The following DCPS variants were observed in gnomAD, a reference collection of about 807,000 sequenced individuals.
DCPS encodes the protein m7GpppX diphosphatase.
In DCPS, 27 loss-of-function variants were observed where a neutral mutation model predicts 34.7. That is an observed-to-expected ratio of 0.78 (90% confidence interval 0.57 to 1.07). The LOEUF is 1.07. Ranked by LOEUF, DCPS falls within the 50% of genes least tolerant of loss-of-function variation. The probability of loss-of-function intolerance (pLI) is 0.00; values close to 1 mark genes in which losing one functional copy is unlikely to be tolerated. For synonymous variants in DCPS, 185 were observed against 185.7 expected (o/e 1.00, Z 0.03); for missense variants, 464 against 436.9 (o/e 1.06, Z -0.55).
chr11:126,310,543 T>C (rs958651235), intron 2 of DCPS, among the ~76,000 whole-genome samples: 3 of 152,140 alleles, frequency 2.0e-5, no homozygotes, highest in African/African-American at 7.2e-5. Flanking sequence ...ATATAAGGGG[T>C]GAGGTCCTCG....
rs549091342 is a variant in DCPS at position 126,329,876 on chromosome 11, G to T, written c.377-1529G>T. Among the ~76,000 whole-genome samples the T allele has an allele frequency of 2.0e-5, 3 of 152,160 alleles. No homozygotes were observed. Among genetic ancestry groups the T allele is most frequent in the African/African-American group, 4.8e-5 (2 of 41,422 alleles). ...TCGTGGTGGTGAAATGTGCCCGCTG[G>T]GTTTTCAGCTCTCTCGGGTTTCCCT... On this transcript the variant is annotated intron_variant, in intron 2 of 5. Transcript: ENST00000263579. This position sits in a 1 kb window ranked among gnomAD's most constrained non-coding sequence, Gnocchi z 5.0.
At position 126,344,512 on chromosome 11, in the gene DCPS, C is replaced by T. The variant is rs547363545; in HGVS notation, c.748-835C>T. Among the ~76,000 whole-genome samples, 6 of 152,204 alleles carry T rather than the reference C, an allele frequency of 3.9e-5. No individual in the cohort carries two copies. In the East Asian group the frequency reaches 1.2e-3, roughly 30 times the overall value. The stretch of plus-strand genomic sequence containing the variant: ...CCCTCGGGTGCCTTGGCCCTGGTCT[C>T]GCCCCGCTGCAGGGATTCCTGGGGT... On this transcript the variant is annotated intron_variant, in intron 5 of 5. Transcript: ENST00000263579. This position sits in a 1 kb window ranked among gnomAD's most constrained non-coding sequence, Gnocchi z 8.1.
At position 126,323,145 on chromosome 11, in the gene DCPS, G is replaced by A. The variant is rs1951719745; in HGVS notation, c.377-8260G>A. Among the ~76,000 whole-genome samples the A allele has an allele frequency of 6.6e-6, 1 of 152,082 alleles. No individual in the cohort carries two copies. On this transcript the variant is annotated intron_variant, in intron 2 of 5. Transcript: ENST00000263579. The surrounding 1 kb of genome is among the most constrained non-coding windows in gnomAD (Gnocchi z 4.4). ...ACACCCAGCCACCAAATTCCTAAGT[G>A]TGACAGTAGAATAAATATATTTTCA... is the stretch of plus-strand genomic sequence containing the variant.
Position 126,322,953 on chromosome 11 carries a change from G to A in DCPS, c.377-8452G>A, listed in dbSNP as rs990622191. Among the ~76,000 whole-genome samples, 4 of 152,100 alleles carry A rather than the reference G, an allele frequency of 2.6e-5. No homozygotes were observed. Among genetic ancestry groups the A allele is most frequent in the East Asian group, 1.9e-4 (1 of 5,186 alleles). On this transcript the variant is annotated intron_variant, in intron 2 of 5. Transcript: ENST00000263579. This position sits in a 1 kb window ranked among gnomAD's most constrained non-coding sequence, Gnocchi z 4.2. ...AGTGATTCTCCCACTTCACCTTCCC[G>A]AGTAGTGGCGACCAGAGGCAGGTAC...
chr11:126,304,713 ATATAT>A (rs947003232), intron 1 of DCPS, among the ~76,000 whole-genome samples: 17 of 152,312 alleles, frequency 1.1e-4, no homozygotes, highest in Middle Eastern at 3.4e-3. Flanking sequence ...CAGGAGAACA[ATATAT>A]TATAATTGTT....
At chr11:126,316,417 G>C (rs73017399) in intron 2 of DCPS, among the ~76,000 whole-genome samples, 26,256 of 151,608 alleles carry the variant, frequency 0.17, 2,644 homozygotes, top group Non-Finnish European at 0.24. Flanking sequence ...GTGTGACCCA[G>C]GGAAGCCAAA....
At chr11:126,304,413 C>A in intron 1 of DCPS, 132 bp downstream of exon 1, 1 of 1,017,824 alleles carries the variant, frequency 9.8e-7, no homozygotes, top group Non-Finnish European at 1.5e-6. Context: ...CGGGAGTGCG[C>A]CACTAGAATG....
intron 2 of DCPS, among the ~76,000 whole-genome samples, chr11:126,314,374 C>T (rs1158919944): frequency 1.3e-4 from 20 of 152,174 alleles, no homozygotes; most frequent in Admixed American, 1.3e-3. Context: ...AAAGGGAACA[C>T]TTCTACACTG....
chr11:126,330,828 C>T (rs796329618), intron 2 of DCPS, among the ~76,000 whole-genome samples: 33 of 144,850 alleles, frequency 2.3e-4, no homozygotes, highest in African/African-American at 7.4e-4. Context: ...CCTCTGCCTC[C>T]CAGGTTCAAG....
Position 126,343,133 on chromosome 11 carries a change from C to T in DCPS, c.637-174C>T, listed in dbSNP as rs1440012339. On this transcript the variant is annotated intron_variant, in intron 4 of 5. Coordinates refer to ENST00000263579, the MANE Select transcript of DCPS (RefSeq NM_014026.6). The stretch of plus-strand genomic sequence containing the variant: ...CTAGCAAGAAGCGTACACAGTAGGC[C>T]TGCTCCTTAAGACCATCCCACACGC... Among the ~76,000 whole-genome samples the T allele has an allele frequency of 3.3e-5, 5 of 151,620 alleles. No individual in the cohort carries two copies. The South Asian group carries it at 6.3e-4, about 19-fold the overall frequency.
rs1359242024 is a variant in DCPS, at chr11:126,337,947, T to A, written c.523-339T>A. ...TCCTGTGAGCGGTGGAGGGGGTCAC[T>A]GCTATAGAGGGCAGACACAGCCTGG... On this transcript the variant is annotated intron_variant, in intron 3 of 5. Transcript: ENST00000263579. The surrounding 1 kb of genome is among the most constrained non-coding windows in gnomAD (Gnocchi z 5.3). The A allele has an allele frequency of 3.5e-6, 1 of 286,042 alleles. No homozygotes were observed. The highest frequency in any genetic ancestry group is 7.7e-5 in the East Asian group (1 of 12,908). The allele number at this position is 286,042 out of a possible 1,614,324, so 17.7% of individuals were successfully genotyped here. A position where few individuals can be genotyped will look rare whatever the true frequency, so the allele number is the denominator to read the frequency against.
rs1951811192 is a variant in DCPS at position 126,333,940 on chromosome 11, G to A, written c.522+2390G>A. 6.6e-6 allele frequency among the ~76,000 whole-genome samples: 1 copy of A among 152,218 alleles called. No individual in the cohort carries two copies. Among genetic ancestry groups the A allele is most frequent in the Non-Finnish European group, 1.5e-5 (1 of 68,054 alleles). The stretch of plus-strand genomic sequence containing the variant: ...TGTGAGAACAGTTGCCATAGGCAGT[G>A]AGGGTGCCCTAAACGGTTTTAAGCA... On this transcript the variant is annotated intron_variant, in intron 3 of 5. Coordinates refer to ENST00000263579, the MANE Select transcript of DCPS (RefSeq NM_014026.6). The surrounding 1 kb of genome is among the most constrained non-coding windows in gnomAD (Gnocchi z 5.7).
At chr11:126,330,719 ATTTTTTTTTTTTT>A (rs1167717646) in intron 2 of DCPS, among the ~76,000 whole-genome samples, 8 of 18,880 alleles carry the variant, frequency 4.2e-4, no homozygotes, top group South Asian at 3.4e-3. Context: ...ATATATATAT[ATTTTTTTTTTTTT>A]TTTTTTTTTT....
Position 126,312,415 on chromosome 11 carries a change from T to C in DCPS, c.376+5671T>C, listed in dbSNP as rs1482423218. On this transcript the variant is annotated intron_variant, in intron 2 of 5. Transcript: ENST00000263579. The surrounding 1 kb of genome is among the most constrained non-coding windows in gnomAD (Gnocchi z 5.1). ...GTGCAGTGGTGCGATCTCGGCTCAC[T>C]GCAACCTCCACCTCCCGGGTTCAAG... 6.6e-6 allele frequency among the ~76,000 whole-genome samples: 1 copy of C among 152,048 alleles called. No individual in the cohort carries two copies. Among genetic ancestry groups the C allele is most frequent in the Non-Finnish European group, 1.5e-5 (1 of 67,994 alleles).
rs535299369 is a variant in DCPS at position 126,313,939 on chromosome 11, G to A, written c.376+7195G>A. Among the ~76,000 whole-genome samples the A allele has an allele frequency of 2.0e-5, 3 of 152,272 alleles. No homozygotes were observed. Among genetic ancestry groups the A allele is most frequent in the East Asian group, 1.9e-4 (1 of 5,178 alleles). On this transcript the variant is annotated intron_variant, in intron 2 of 5. Coordinates refer to ENST00000263579, the MANE Select transcript of DCPS (RefSeq NM_014026.6). The surrounding 1 kb of genome is among the most constrained non-coding windows in gnomAD (Gnocchi z 4.9). The stretch of plus-strand genomic sequence containing the variant: ...GGTCCTTAGATGGACTAGAAAGATC[G>A]TCCCATGAATTTCAAGGGCTGCATC...
At position 126,334,016 on chromosome 11, in the gene DCPS, G is replaced by A. The variant is rs171271; in HGVS notation, c.522+2466G>A. Among the ~76,000 whole-genome samples the A allele has an allele frequency of 0.44, 66,576 of 151,924 alleles. 14,873 individuals are homozygous for A. Among genetic ancestry groups the A allele is most frequent in the East Asian group, 0.68 (3,511 of 5,160 alleles). On this transcript the variant is annotated intron_variant, in intron 3 of 5. Coordinates refer to ENST00000263579, the MANE Select transcript of DCPS (RefSeq NM_014026.6). This position sits in a 1 kb window ranked among gnomAD's most constrained non-coding sequence, Gnocchi z 5.5. ...GAATTAATTGGTGGAGTGGGGGTGA[G>A]CATAGAACAGGAAGACTGGGAAAAA...
Position 126,344,432 on chromosome 11 carries a change from C to T in DCPS, c.748-915C>T, listed in dbSNP as rs1366589179. ...TGCCAGGCCAACACTTTGACCTGCC[C>T]TAGCAGCTCAGACAGCTCCACCCTG... is the stretch of plus-strand genomic sequence containing the variant. On this transcript the variant is annotated intron_variant, in intron 5 of 5. Coordinates refer to ENST00000263579, the MANE Select transcript of DCPS (RefSeq NM_014026.6). This position sits in a 1 kb window ranked among gnomAD's most constrained non-coding sequence, Gnocchi z 8.1. 6.6e-6 allele frequency among the ~76,000 whole-genome samples: 1 copy of T among 152,196 alleles called. No homozygotes were observed. Among genetic ancestry groups the T allele is most frequent in the African/African-American group, 2.4e-5 (1 of 41,456 alleles).
intron 2 of DCPS, among the ~76,000 whole-genome samples, chr11:126,308,400 A>G (rs1951591171): frequency 6.6e-6 from 1 of 152,184 alleles, no homozygotes; most frequent in African/African-American, 2.4e-5. Context: ...TCTGCCCTCC[A>G]TGAAAGGGTG....
At chr11:126,343,536 A>T in intron 5 of DCPS, 119 bp downstream of exon 5, 1 of 881,046 alleles carries the variant, frequency 1.1e-6, no homozygotes, top group South Asian at 1.5e-5. Flanking sequence ...TTCTCTCTGG[A>T]TGCCAGTCTT....
Sources: allele counts gnomAD v4.1 joint callset (sites outside exome capture counted in the v4.1 genomes callset), GRCh38; gene constraint gnomAD v4.1.1; non-coding constraint Gnocchi (gnomAD v3.1); transcripts MANE v1.5; gene names NCBI Gene and HGNC (gene_info 2026-07-23, HGNC 2026-07-21).